Variants in ST6GALNAC3 observed in about 807,000 individuals in gnomAD.
ST6GALNAC3 encodes alpha-N-acetylgalactosaminide alpha-2,6-sialyltransferase 3.
In ST6GALNAC3, 25 loss-of-function variants were observed where a neutral mutation model predicts 32.7. The observed-to-expected ratio is 0.76, with a 90% CI of 0.56 to 1.07. The LOEUF is 1.07. ST6GALNAC3 is among the 50% of genes least tolerant of loss of function. The probability of loss-of-function intolerance (pLI) is 0.00; values close to 1 mark genes in which losing one functional copy is unlikely to be tolerated. For synonymous variants in ST6GALNAC3, 129 were observed against 133.1 expected (o/e 0.97, Z 0.21); for missense variants, 355 against 382.4 (o/e 0.93, Z 0.60).
intron 3 of ST6GALNAC3, among the ~76,000 whole-genome samples, chr1:76,573,664 C>CT (rs35242060): frequency 0.18 from 26,799 of 147,586 alleles, 3,457 homozygotes; most frequent in African/African-American, 0.37. Context: ...CTTTCTTCTC[C>CT]TTTTTTTTTT....
At chr1:76,227,912 T>C (rs1416890876) in intron 1 of ST6GALNAC3, among the ~76,000 whole-genome samples, 2 of 152,192 alleles carry the variant, frequency 1.3e-5, no homozygotes, top group African/African-American at 2.4e-5. Context: ...GAGCTCCTTT[T>C]GTAAGGGATG....
intron 3 of ST6GALNAC3, among the ~76,000 whole-genome samples, chr1:76,474,071 C>A (rs1178478997): frequency 6.6e-6 from 1 of 152,158 alleles, no homozygotes; most frequent in Non-Finnish European, 1.5e-5. Context: ...AGTTCAATCA[C>A]CCCAACAGAG....
intron 1 of ST6GALNAC3, among the ~76,000 whole-genome samples, chr1:76,183,753 A>C (rs1332444575): frequency 1.3e-5 from 2 of 151,272 alleles, no homozygotes; most frequent in Non-Finnish European, 2.9e-5. Flanking sequence ...ATCTAAACAT[A>C]TTTGAACCTA....
intron 3 of ST6GALNAC3, among the ~76,000 whole-genome samples, chr1:76,565,091 G>T (rs1665474419): frequency 6.6e-6 from 1 of 152,074 alleles, no homozygotes; most frequent in Non-Finnish European, 1.5e-5. Flanking sequence ...TCTCAGTCCG[G>T]TGTCCAACGG....
chr1:76,189,036 A>G (rs1019127793), intron 1 of ST6GALNAC3, among the ~76,000 whole-genome samples: 4 of 152,222 alleles, frequency 2.6e-5, no homozygotes, highest in African/African-American at 9.6e-5. Context: ...CATTTGAATT[A>G]TGCTGTACTA....
chr1:76,218,431 G>A (rs1026695698), intron 1 of ST6GALNAC3, among the ~76,000 whole-genome samples: 1 of 152,140 alleles, frequency 6.6e-6, no homozygotes, highest in East Asian at 1.9e-4. Context: ...AATCTTTATT[G>A]AGTACCTTCC....
chr1:76,166,296 A>G (rs1166436154), intron 1 of ST6GALNAC3, among the ~76,000 whole-genome samples: 1 of 151,912 alleles, frequency 6.6e-6, no homozygotes, highest in Non-Finnish European at 1.5e-5. Flanking sequence ...GTCATGTTGA[A>G]TATCAGATAG....
intron 1 of ST6GALNAC3, among the ~76,000 whole-genome samples, chr1:76,177,351 A>G (rs915607917): frequency 1.3e-5 from 2 of 152,258 alleles, no homozygotes; most frequent in Middle Eastern, 3.4e-3. Flanking sequence ...AGAGCTTAAA[A>G]TTTCTTTAGG....
intron 1 of ST6GALNAC3, among the ~76,000 whole-genome samples, chr1:76,191,596 C>A (rs1653900630): frequency 6.6e-6 from 1 of 152,046 alleles, no homozygotes; most frequent in Non-Finnish European, 1.5e-5. Flanking sequence ...ATGATTTGAC[C>A]ATTATACAAC....
At chr1:76,421,801 T>A (rs570323963) in intron 3 of ST6GALNAC3, among the ~76,000 whole-genome samples, 43 of 152,072 alleles carry the variant, frequency 2.8e-4, no homozygotes, top group East Asian at 1.7e-3. Flanking sequence ...AGAGGAAAAT[T>A]AATGAAAGCA....
intron 1 of ST6GALNAC3, among the ~76,000 whole-genome samples, chr1:76,103,747 T>A (rs1230075268): frequency 6.6e-6 from 1 of 152,172 alleles, no homozygotes; most frequent in African/African-American, 2.4e-5. Flanking sequence ...CTTGTAGCTA[T>A]CTCTCTGTCC....
At chr1:76,305,819 A>G (rs751651640) in intron 1 of ST6GALNAC3, 3 of 474,394 alleles carry the variant, frequency 6.3e-6, no homozygotes, top group Non-Finnish European at 1.3e-5. Context: ...AGTTTTCCAG[A>G]CAAAGAAATA....
At chr1:76,422,555 A>T (rs2101384374) in intron 3 of ST6GALNAC3, among the ~76,000 whole-genome samples, 2 of 152,114 alleles carry the variant, frequency 1.3e-5, no homozygotes, top group South Asian at 4.1e-4. Flanking sequence ...AGCGGTTCTC[A>T]AACGTGAGCT....
intron 3 of ST6GALNAC3, among the ~76,000 whole-genome samples, chr1:76,448,055 G>A (rs752277676): frequency 2.6e-5 from 4 of 152,062 alleles, no homozygotes; most frequent in Non-Finnish European, 4.4e-5. Flanking sequence ...GACACTCAAC[G>A]CCAGCCAGTG....
chr1:76,380,791 A>G (rs773555340), intron 2 of ST6GALNAC3, among the ~76,000 whole-genome samples: 13 of 152,210 alleles, frequency 8.5e-5, no homozygotes, highest in Non-Finnish European at 1.8e-4. Flanking sequence ...GTGAGCTCCA[A>G]AGGGATGGAA....
At chr1:76,402,171 T>A (rs750038007) in intron 2 of ST6GALNAC3, among the ~76,000 whole-genome samples, 12 of 152,208 alleles carry the variant, frequency 7.9e-5, no homozygotes, top group Non-Finnish European at 1.6e-4. Context: ...TACTTTGGGT[T>A]TTCATTTTGA....
At chr1:76,261,414 T>C (rs1018038510) in intron 1 of ST6GALNAC3, among the ~76,000 whole-genome samples, 4 of 152,156 alleles carry the variant, frequency 2.6e-5, no homozygotes, top group African/African-American at 9.7e-5. Context: ...GGGACCCATT[T>C]TGAGTGTTGG....
intron 1 of ST6GALNAC3, among the ~76,000 whole-genome samples, chr1:76,111,917 C>CA (rs1410053477): frequency 1.3e-5 from 2 of 152,200 alleles, no homozygotes; most frequent in Non-Finnish European, 2.9e-5. Context: ...ACAAAACCGC[C>CA]GTTGTCATCA....
chr1:76,154,556 C>T (rs899902449), intron 1 of ST6GALNAC3, among the ~76,000 whole-genome samples: 1 of 152,168 alleles, frequency 6.6e-6, no homozygotes, highest in African/African-American at 2.4e-5. Context: ...GTGATTGTAA[C>T]CCAGGGTTTT....
Sources: gnomAD v4.1 joint callset for allele counts (sites outside exome capture counted in the v4.1 genomes callset) on GRCh38, gnomAD v4.1.1 for gene constraint, MANE v1.5 for transcripts, NCBI Gene and HGNC (gene_info 2026-07-23, HGNC 2026-07-21) for gene names.